Variants in SUPT5H observed in about 807,000 individuals in gnomAD.
SUPT5H encodes the protein SPT5 homolog, DSIF elongation factor subunit, also known as transcription elongation factor SPT5.
A neutral mutation model predicts 142.5 loss-of-function variants in SUPT5H; 24 were observed. That is an observed-to-expected ratio of 0.17 (90% confidence interval 0.12 to 0.24). SUPT5H has a LOEUF of 0.24. Ranked by LOEUF, SUPT5H falls within the 10% of genes least tolerant of loss-of-function variation. The pLI is 1.00. For missense variants in SUPT5H, 893 were observed against 1,471.8 expected (o/e 0.61, Z 6.43); for synonymous variants, 546 against 553.0 (o/e 0.99, Z 0.18).
In SUPT5H at chr19:39,458,217, T is replaced by G; in HGVS notation, c.308-77T>G. On this transcript the variant is annotated intron_variant, in intron 4 of 29. Transcript: ENST00000432763. The surrounding 1 kb of genome is among the most constrained non-coding windows in gnomAD (Gnocchi z 4.2). ...TTTGCTGCTATAATTTGGCTCATAC[T>G]TTGTCTGCCCTCGCCCACCACCACC... 6.4e-7 allele frequency: 1 copy of G among 1,560,298 alleles called. No homozygotes were observed. Among genetic ancestry groups the G allele is most frequent in the Non-Finnish European group, 8.6e-7 (1 of 1,158,874 alleles).
rs1421030952 is a variant in SUPT5H at position 39,474,764 on chromosome 19, G to A, written c.3024+46G>A. ...TGGGTGAGCAGGCATCCTCTCCTTG[G>A]TACCCCCTAAACTGGAGACAGACCT... On this transcript the variant is annotated intron_variant, in intron 28 of 29. Transcript: ENST00000432763. The surrounding 1 kb of genome is among the most constrained non-coding windows in gnomAD (Gnocchi z 6.5). 1.9e-6 allele frequency: 3 copies of A among 1,558,048 alleles called. No homozygotes were observed. Among genetic ancestry groups the A allele is most frequent in the East Asian group, 2.4e-5 (1 of 41,678 alleles).
chr19:39,454,478 G>A (rs2079061855), intron 3 of SUPT5H, among the ~76,000 whole-genome samples: 1 of 151,242 alleles, frequency 6.6e-6, no homozygotes, highest in Non-Finnish European at 1.5e-5. Flanking sequence ...CTGAGTAGCT[G>A]GGACTACGGG....
Position 39,472,280 on chromosome 19 carries a change from A to AGG in SUPT5H, c.1951-128_1951-127dup. On this transcript the variant is annotated intron_variant, in intron 20 of 29. Coordinates refer to ENST00000432763, the MANE Select transcript of SUPT5H (RefSeq NM_001111020.3). This position sits in a 1 kb window ranked among gnomAD's most constrained non-coding sequence, Gnocchi z 4.2. ...AAGTGTGCAGGACCAGCTGTCACAG[A>AGG]GGAATTCAGGCCTGGGGTGTGGGTG... 1 of 821,146 alleles carries AGG rather than the reference A, an allele frequency of 1.2e-6. No individual in the cohort carries two copies. Among genetic ancestry groups the AGG allele is most frequent in the Non-Finnish European group, 2.0e-6 (1 of 491,286 alleles). 50.9% of individuals were successfully genotyped at this position (821,146 alleles called of 1,614,324 possible).
rs559143987 is a variant in SUPT5H at position 39,472,102 on chromosome 19, CAG to C, written c.1951-306_1951-305del. Among the ~76,000 whole-genome samples, 20 of 152,104 alleles carry C rather than the reference CAG, an allele frequency of 1.3e-4. No homozygotes were observed. Among genetic ancestry groups the C allele is most frequent in the Non-Finnish European group, 2.4e-4 (16 of 68,022 alleles). On this transcript the variant is annotated intron_variant, in intron 20 of 29. Transcript: ENST00000432763. The surrounding 1 kb of genome is among the most constrained non-coding windows in gnomAD (Gnocchi z 4.2). ...AAGAAAACAGAATGGGCTCAGGAGACAGGGAGTGACCAGGGCTGCTGTTTTAG... is the reference window on the plus strand; with the variant it reads ...AAGAAAACAGAATGGGCTCAGGAGACGGAGTGACCAGGGCTGCTGTTTTAG...
At chr19:39,447,208 G>A (rs2078965436) in intron 2 of SUPT5H, among the ~76,000 whole-genome samples, 1 of 152,194 alleles carries the variant, frequency 6.6e-6, no homozygotes, top group African/African-American at 2.4e-5. Context: ...TTGGATCAGA[G>A]TGAGTGCAAC....
chr19:39,458,824 A>G lies in SUPT5H; in HGVS notation c.326A>G (p.Asn109Ser), dbSNP rs773977125. ...ILEKEEIEAS[N>S]IDNVVLDEDR... is the part of the protein sequence containing the mutation. Reference sequence around the variant, plus strand: ...TCTGCCCATTATTTTTCAGCCTCCAATATCGATAATGTTGTCCTGGATGAA... The same window carrying G: ...TCTGCCCATTATTTTTCAGCCTCCAGTATCGATAATGTTGTCCTGGATGAA... The change falls in exon 6 of 30, where the codon AAT becomes AGT. Residue 109 changes from asparagine (N) to serine (S), a missense_variant. Around this residue, in one of 6 missense-constraint regions of SUPT5H, gnomAD observed 428 missense variants for 763.5 expected, o/e 0.56. Coordinates refer to ENST00000432763, the MANE Select transcript of SUPT5H (RefSeq NM_001111020.3). This position sits in a 1 kb window ranked among gnomAD's most constrained non-coding sequence, Gnocchi z 4.2. 85 of 1,611,418 alleles carry G rather than the reference A, an allele frequency of 5.3e-5. No homozygotes were observed. The Admixed American group carries it at 7.4e-4, about 14-fold the overall frequency.
chr19:39,470,310 G>A lies in SUPT5H; in HGVS notation c.1530+36G>A. 1 of 1,546,120 alleles carries A rather than the reference G, an allele frequency of 6.5e-7. No individual in the cohort carries two copies. The highest frequency in any genetic ancestry group is 8.8e-7 in the Non-Finnish European group (1 of 1,140,232). On this transcript the variant is annotated intron_variant, in intron 17 of 29. Transcript: ENST00000432763. This position sits in a 1 kb window ranked among gnomAD's most constrained non-coding sequence, Gnocchi z 5.8. ...AGAAGGGTCGGGGAAGGGTGCACGT[G>A]CCAAGAGGAGACCCAGGTAGGCGAG...
Position 39,472,899 on chromosome 19 carries a change from A to G in SUPT5H, c.2125A>G (p.Thr709Ala). The change falls in exon 22 of 30, where the codon ACC becomes GCC. Residue 709 changes from threonine to alanine, a missense_variant. Transcript: ENST00000432763. The surrounding 1 kb of genome is among the most constrained non-coding windows in gnomAD (Gnocchi z 4.2). ...GAGGGACAACGAACTCATCGGCCAG[A>G]CCGTGCGCATCTCCCAGGGGCCCTA... The part of the protein sequence containing the change: ...GRRDNELIGQ[T>A]VRISQGPYKG... 1 of 1,613,764 alleles carries G rather than the reference A, an allele frequency of 6.2e-7. No individual in the cohort carries two copies. Among genetic ancestry groups the G allele is most frequent in the Non-Finnish European group, 8.5e-7 (1 of 1,179,834 alleles).
chr19:39,458,673 G>T lies in SUPT5H; in HGVS notation c.320-145G>T, dbSNP rs1437441818. ...GGATGCTGAGTAGGACAGAGTAGGG[G>T]ATGAGGGGTTGGGATTTCCTCTGTG... On this transcript the variant is annotated intron_variant, in intron 5 of 29. Coordinates refer to ENST00000432763, the MANE Select transcript of SUPT5H (RefSeq NM_001111020.3). This position sits in a 1 kb window ranked among gnomAD's most constrained non-coding sequence, Gnocchi z 4.2. 9 of 792,006 alleles carry T rather than the reference G, an allele frequency of 1.1e-5. No individual in the cohort carries two copies. The highest frequency in any genetic ancestry group is 1.8e-5 in the Non-Finnish European group (9 of 499,026). 49.1% of individuals were successfully genotyped at this position (792,006 alleles called of 1,614,324 possible).
Position 39,458,104 on chromosome 19 carries a change from C to A in SUPT5H, c.308-190C>A. The stretch of plus-strand genomic sequence containing the variant: ...CTGTGCGCCTCATACATTTCGGCTT[C>A]TCCCCAACCACCTGGTGCCTGGCCT... On this transcript the variant is annotated intron_variant, in intron 4 of 29. Coordinates refer to ENST00000432763, the MANE Select transcript of SUPT5H (RefSeq NM_001111020.3). This position sits in a 1 kb window ranked among gnomAD's most constrained non-coding sequence, Gnocchi z 4.2. 9.9e-7 allele frequency: 1 copy of A among 1,009,426 alleles called. No homozygotes were observed. Among genetic ancestry groups the A allele is most frequent in the Non-Finnish European group, 1.4e-6 (1 of 704,968 alleles). The allele number at this position is 1,009,426 out of a possible 1,614,324, so 62.5% of individuals were successfully genotyped here.
chr19:39,457,093 T>C (rs1472497449), intron 3 of SUPT5H, among the ~76,000 whole-genome samples: 2 of 152,238 alleles, frequency 1.3e-5, no homozygotes. Context: ...ATTAAGTACA[T>C]GGACCATGGA....
Position 39,468,741 on chromosome 19 carries a change from C to T in SUPT5H, c.1038-15C>T, listed in dbSNP as rs2034248886. 1 of 1,609,262 alleles carries T rather than the reference C, an allele frequency of 6.2e-7. No homozygotes were observed. Among genetic ancestry groups the T allele is most frequent in the Non-Finnish European group, 8.5e-7 (1 of 1,175,590 alleles). ...GACTCTCCCTTCTAATCTTCTCTCC[C>T]CCATCAAATTCCAGGTCCCTGGGGG... On this transcript the variant is annotated splice_polypyrimidine_tract_variant and intron_variant, in intron 13 of 29. Transcript: ENST00000432763.
chr19:39,455,676 G>A (rs2079078629), intron 3 of SUPT5H, among the ~76,000 whole-genome samples: 1 of 149,714 alleles, frequency 6.7e-6, no homozygotes, highest in South Asian at 2.1e-4. Flanking sequence ...AGGCTGGGGT[G>A]CAGTGGTGCA....
intron 3 of SUPT5H, among the ~76,000 whole-genome samples, 153 bp downstream of exon 3, chr19:39,453,674 C>T (rs1193738658): frequency 2.0e-5 from 3 of 152,210 alleles, no homozygotes; most frequent in African/African-American, 4.8e-5. Flanking sequence ...ATGCCATTCT[C>T]CTGCCTCAGC....
At chr19:39,455,925 C>CTT (rs34762912) in intron 3 of SUPT5H, among the ~76,000 whole-genome samples, 54 of 91,018 alleles carry the variant, frequency 5.9e-4, no homozygotes, top group South Asian at 1.6e-3. Flanking sequence ...CCCGCCTCTT[C>CTT]TTTTTTTTTT....
At position 39,466,378 on chromosome 19, in the gene SUPT5H, C is replaced by T. The variant is rs1341835370; in HGVS notation, c.877-102C>T. ...GTCAGCAGCCTGGTTTCTTCCCCAC[C>T]ATCCTGCGTCCCTTCTCCTTCCTAG... On this transcript the variant is annotated intron_variant, in intron 11 of 29. Transcript: ENST00000432763. This position sits in a 1 kb window ranked among gnomAD's most constrained non-coding sequence, Gnocchi z 4.3. 1.8e-6 allele frequency: 2 copies of T among 1,103,154 alleles called. No individual in the cohort carries two copies. The highest frequency in any genetic ancestry group is 3.1e-5 in the African/African-American group (2 of 64,854). 68.3% of individuals were successfully genotyped at this position (1,103,154 alleles called of 1,614,324 possible).
chr19:39,457,947 T>A (rs2079111858), intron 4 of SUPT5H: 2 of 943,252 alleles, frequency 2.1e-6, no homozygotes, highest in Non-Finnish European at 3.3e-6. Flanking sequence ...GGGGTGGGGA[T>A]GTTGTGGGGA....
In SUPT5H at chr19:39,472,781, G is replaced by T; in HGVS notation, c.2036-29G>T. The T allele has an allele frequency of 6.2e-7, 1 of 1,601,174 alleles. No individual in the cohort carries two copies. ...CCCTTGCTGTGGGCACAGCCGTGGG[G>T]GACCAGTGACATTCTCCCCAATCCC... On this transcript the variant is annotated intron_variant, in intron 21 of 29. Transcript: ENST00000432763. The surrounding 1 kb of genome is among the most constrained non-coding windows in gnomAD (Gnocchi z 4.2).
rs2079217749 is a variant in SUPT5H, at chr19:39,465,099, C to A, written c.876+50C>A. The A allele has an allele frequency of 4.5e-6, 7 of 1,566,602 alleles. No homozygotes were observed. In the East Asian group the frequency reaches 1.6e-4, roughly 35 times the overall value. ...GGTCAGGGTCCCTCCATTCTGTTCT[C>A]CCTTCCTTTCCTTTTGTCCTTCCCA... On this transcript the variant is annotated intron_variant, in intron 11 of 29. Coordinates refer to ENST00000432763, the MANE Select transcript of SUPT5H (RefSeq NM_001111020.3).
Sources: allele counts gnomAD v4.1 joint callset (sites outside exome capture counted in the v4.1 genomes callset), GRCh38; gene constraint gnomAD v4.1.1; regional missense constraint gnomAD v4.1.1; non-coding constraint Gnocchi (gnomAD v3.1); transcripts MANE v1.5; gene names NCBI Gene and HGNC (gene_info 2026-07-23, HGNC 2026-07-21).